Variants in CIAPIN1 observed in about 807,000 individuals in gnomAD.
The protein encoded by CIAPIN1 is anamorsin.
CIAPIN1 carries 18 observed loss-of-function variants against 34.3 expected under a neutral mutation model. The observed-to-expected ratio is 0.52, with a 90% CI of 0.36 to 0.78. CIAPIN1 has a LOEUF of 0.78. Ranked by LOEUF, CIAPIN1 falls within the 30% of genes least tolerant of loss-of-function variation. The pLI, the probability that CIAPIN1 is intolerant of heterozygous loss-of-function variation, is 0.00. For synonymous variants in CIAPIN1, 131 were observed against 140.4 expected (o/e 0.93, Z 0.47); for missense variants, 310 against 372.5 (o/e 0.83, Z 1.38).
At chr16:57,439,551 G>A (rs1159506709) in intron 2 of CIAPIN1, among the ~76,000 whole-genome samples, 1 of 152,220 alleles carries the variant, frequency 6.6e-6, no homozygotes, top group East Asian at 1.9e-4. Context: ...ACACTCCTAA[G>A]CTCTGCTGCA....
intron 7 of CIAPIN1, 121 bp downstream of exon 7, chr16:57,431,030 T>G: frequency 1.7e-6 from 1 of 580,270 alleles, no homozygotes; most frequent in Non-Finnish European, 3.1e-6. Flanking sequence ...TTTGCAGAGA[T>G]GGTCTCCCTG....
chr16:57,435,476 AG>A (rs1393965747), intron 4 of CIAPIN1, among the ~76,000 whole-genome samples: 4 of 152,238 alleles, frequency 2.6e-5, no homozygotes, highest in Non-Finnish European at 5.9e-5. Context: ...AAAATAAGAA[AG>A]GGTTGGCATA....
chr16:57,439,076 C>T, intron 3 of CIAPIN1, 106 bp downstream of exon 3: 5 of 1,103,264 alleles, frequency 4.5e-6, no homozygotes, highest in South Asian at 1.6e-5. Flanking sequence ...GGTTTTGCTA[C>T]AGGAATACTG....
chr16:57,435,560 A>C lies in CIAPIN1; in HGVS notation c.387+1096T>G, dbSNP rs567998024. ...GTAATACCAGCACTTTGGAAGGCCA[A>C]GGTGGGTAGATCACCTGAGGTCAGG... On this transcript the variant is annotated intron_variant, in intron 4 of 8. Coordinates refer to ENST00000394391, the MANE Select transcript of CIAPIN1 (RefSeq NM_020313.4). 3.3e-5 allele frequency among the ~76,000 whole-genome samples: 5 copies of C among 152,354 alleles called. No homozygotes were observed. In the South Asian group the frequency reaches 1.0e-3, roughly 32 times the overall value.
intron 6 of CIAPIN1, 52 bp downstream of exon 6, chr16:57,432,435 C>T: frequency 6.4e-7 from 1 of 1,559,946 alleles, no homozygotes; most frequent in Admixed American, 1.7e-5. Flanking sequence ...GCTGTTCACA[C>T]CCAAACTGGG....
intron 1 of CIAPIN1, among the ~76,000 whole-genome samples, chr16:57,442,365 A>AAAT (rs1567574169): frequency 1.3e-5 from 2 of 152,040 alleles, no homozygotes; most frequent in African/African-American, 4.8e-5. Context: ...AATAAATAAA[A>AAAT]AATAAAAAAT....
chr16:57,431,357 G>A, intron 6 of CIAPIN1, 91 bp from the exon 7 acceptor site: 3 of 813,318 alleles, frequency 3.7e-6, no homozygotes, highest in Non-Finnish European at 4.0e-6. Context: ...GAAACTTGGA[G>A]TCCAGGGTAA....
At position 57,434,107 on chromosome 16, in the gene CIAPIN1, T is replaced by C. The variant is rs1903148050; in HGVS notation, c.493A>G (p.Asn165Asp). The C allele has an allele frequency of 2.5e-6, 4 of 1,614,050 alleles. No individual in the cohort carries two copies. The highest frequency in any genetic ancestry group is 2.2e-5 in the East Asian group (1 of 44,896). ...TGCCTAGAAGAACCCACTTCAAAGT[T>C]TGGTTTTTTGCCTGTGATCTGAACA... is the stretch of plus-strand genomic sequence containing the variant. ...LFVQITGKKP[N>D]FEVGSSRQLK... Residue 165 changes from asparagine (N) to aspartate (D), a missense_variant, in exon 5 of 9, where the codon AAC becomes GAC. Asn to Asp is a conservative substitution (Grantham distance 23, BLOSUM62 1). Coordinates refer to ENST00000394391, the MANE Select transcript of CIAPIN1 (RefSeq NM_020313.4).
intron 2 of CIAPIN1, among the ~76,000 whole-genome samples, chr16:57,440,349 C>T (rs1903300990): frequency 6.6e-6 from 1 of 152,154 alleles, no homozygotes; most frequent in African/African-American, 2.4e-5. Context: ...GCTCTGCCCC[C>T]GTTTGCCTTA....
chr16:57,432,105 G>T (rs1374478284), intron 6 of CIAPIN1, among the ~76,000 whole-genome samples: 1 of 152,178 alleles, frequency 6.6e-6, no homozygotes, highest in East Asian at 1.9e-4. Context: ...TTGAGGTCAG[G>T]AGTTTTGCGA....
At chr16:57,429,700 G>A (rs1903040233) in intron 8 of CIAPIN1, among the ~76,000 whole-genome samples, 1 of 151,918 alleles carries the variant, frequency 6.6e-6, no homozygotes, top group Non-Finnish European at 1.5e-5. Flanking sequence ...CACCATGTTA[G>A]CCAGGATGGT....
intron 4 of CIAPIN1, among the ~76,000 whole-genome samples, chr16:57,435,151 T>C (rs1179278256): frequency 1.1e-4 from 16 of 152,172 alleles, no homozygotes; most frequent in Non-Finnish European, 1.5e-5. Flanking sequence ...TGAATTCTCA[T>C]GAGATGTGGT....
intron 1 of CIAPIN1, among the ~76,000 whole-genome samples, chr16:57,445,870 G>A (rs7191851): frequency 9.4e-6 from 1 of 106,332 alleles, no homozygotes; most frequent in Non-Finnish European, 1.7e-5. Context: ...TTTTTTGGCA[G>A]AGTCTTGCTC....
chr16:57,440,911 G>A lies in CIAPIN1; in HGVS notation c.18C>T (p.Ile6=). 6.2e-7 allele frequency: 1 copy of A among 1,613,066 alleles called. No homozygotes were observed. Among genetic ancestry groups the A allele is most frequent in the Non-Finnish European group, 8.5e-7 (1 of 1,179,686 alleles). The change falls in exon 2 of 9, where the codon ATC becomes ATT. Residue 6 remains isoleucine (I), a synonymous_variant. Transcript: ENST00000394391. Reference sequence around the variant, plus strand: ...CCACTGCCACAAACTGGCCAGCAGAGATCCCAAAATCTGCCATTCTTGCAG... The same window carrying A: ...CCACTGCCACAAACTGGCCAGCAGAAATCCCAAAATCTGCCATTCTTGCAG... The part of the protein sequence containing the change: MADFG[I]SAGQFVAVVW...
rs1182733434 is a variant in CIAPIN1, at chr16:57,428,496, T to A, written c.*674A>T. 1.3e-5 allele frequency: 2 copies of A among 152,216 alleles called. No homozygotes were observed. Among genetic ancestry groups the A allele is most frequent in the Admixed American group, 6.5e-5 (1 of 15,280 alleles). 9.4% of individuals were successfully genotyped at this position (152,216 alleles called of 1,614,324 possible). ...ACTGAGCGTGGATGACTATCCAACA[T>A]CACACACAAATGCACATCCCCTCTC... is the stretch of plus-strand genomic sequence containing the variant. On this transcript the variant is annotated 3_prime_UTR_variant, in exon 9 of 9. Coordinates refer to ENST00000394391, the MANE Select transcript of CIAPIN1 (RefSeq NM_020313.4).
At position 57,432,553 on chromosome 16, in the gene CIAPIN1, A is replaced by G; in HGVS notation, c.564T>C (p.Pro188=). The change falls in exon 6 of 9, where the codon CCT becomes CCC. Residue 188 remains proline (P), a synonymous_variant. Coordinates refer to ENST00000394391, the MANE Select transcript of CIAPIN1 (RefSeq NM_020313.4). ...ITKKSSPSVK[P]AVDPAAAKLW... ...GCTTGGCAGCAGCAGGGTCCACAGCAGGTTTCACTGAGTCCAAGCAATAAA... is the reference window on the plus strand; with the variant it reads ...GCTTGGCAGCAGCAGGGTCCACAGCGGGTTTCACTGAGTCCAAGCAATAAA... 1 of 1,612,570 alleles carries G rather than the reference A, an allele frequency of 6.2e-7. No individual in the cohort carries two copies. The highest frequency in any genetic ancestry group is 8.5e-7 in the Non-Finnish European group (1 of 1,179,714).
At chr16:57,447,289 G>C (rs762628085) in intron 1 of CIAPIN1, 53 bp downstream of exon 1, 30 of 400,176 alleles carry the variant, frequency 7.5e-5, no homozygotes, top group Non-Finnish European at 1.2e-4. Flanking sequence ...GGGTGGGCCG[G>C]GAGGGGACAG....
rs137898439 is a variant in CIAPIN1, at chr16:57,428,330, C to G, written c.*840G>C. The G allele has an allele frequency of 6.6e-6, 1 of 152,150 alleles. No homozygotes were observed. Among genetic ancestry groups the G allele is most frequent in the South Asian group, 2.1e-4 (1 of 4,820 alleles). The allele number at this position is 152,150 out of a possible 1,614,324, so 9.4% of individuals were successfully genotyped here. A position where few individuals can be genotyped will look rare whatever the true frequency, so the allele number is the denominator to read the frequency against. ...ACAAAGGGGTCTCTGCTCAGAGAGA[C>G]GTATTGTCGTTCAGAGTTCTGCCCT... On this transcript the variant is annotated 3_prime_UTR_variant, in exon 9 of 9. Coordinates refer to ENST00000394391, the MANE Select transcript of CIAPIN1 (RefSeq NM_020313.4).
At chr16:57,445,766 CAAG>C (rs1387567450) in intron 1 of CIAPIN1, among the ~76,000 whole-genome samples, 22 of 143,328 alleles carry the variant, frequency 1.5e-4, no homozygotes, top group Admixed American at 1.3e-3. Context: ...GGGAGACAGA[CAAG>C]AAGACACTTG....
Sources: allele counts gnomAD v4.1 joint callset (sites outside exome capture counted in the v4.1 genomes callset), GRCh38; gene constraint gnomAD v4.1.1; transcripts MANE v1.5; gene names NCBI Gene and HGNC (gene_info 2026-07-23, HGNC 2026-07-21).